Variants in PAK5 observed in about 807,000 individuals in gnomAD.
PAK5 encodes the protein p21 (RAC1) activated kinase 5.
PAK5 carries 16 observed loss-of-function variants against 65.9 expected under a neutral mutation model. The observed-to-expected ratio is 0.24, with a 90% CI of 0.16 to 0.37. The LOEUF (loss-of-function observed/expected upper bound fraction) is 0.37. Ranked by LOEUF, PAK5 falls within the 10% of genes least tolerant of loss-of-function variation. PAK5 has a pLI of 1.00. For missense variants in PAK5, 785 were observed against 903.9 expected (o/e 0.87, Z 1.69); for synonymous variants, 371 against 354.9 (o/e 1.05, Z -0.51).
chr20:9,754,189 C>T (rs1183558222), intron 1 of PAK5, among the ~76,000 whole-genome samples: 2 of 152,118 alleles, frequency 1.3e-5, no homozygotes, highest in Non-Finnish European at 2.9e-5. Flanking sequence ...CCAGTGAGTT[C>T]ATTTTGCCCA....
chr20:9,710,812 C>T (rs540794873), intron 2 of PAK5, among the ~76,000 whole-genome samples: 2 of 152,324 alleles, frequency 1.3e-5, no homozygotes, highest in South Asian at 2.1e-4. Context: ...CATCCTGCTT[C>T]TCCAAAGCCC....
rs1428033352 is a variant in PAK5, at chr20:9,766,518, G to A, written c.-161-55083C>T. On this transcript the variant is annotated intron_variant, in intron 1 of 9. Transcript: ENST00000353224. ...AGAATATATATATATATATATTCAAGCAGAATATATATATATATATATATA... is the reference window on the plus strand; with the variant it reads ...AGAATATATATATATATATATTCAAACAGAATATATATATATATATATATA... Among the ~76,000 whole-genome samples the A allele has an allele frequency of 9.3e-4, 28 of 30,242 alleles. 4 individuals carry two copies. Among genetic ancestry groups the A allele is most frequent in the African/African-American group, 9.2e-3 (28 of 3,042 alleles). The allele number at this position is 30,242 out of a possible 152,430, so 19.8% of individuals were successfully genotyped here.
chr20:9,620,376 A>C (rs1451518320), intron 3 of PAK5, among the ~76,000 whole-genome samples: 2 of 152,252 alleles, frequency 1.3e-5, no homozygotes, highest in African/African-American at 4.8e-5. Flanking sequence ...TGCGGAAAGC[A>C]GGAGGAGGAT....
chr20:9,685,575 C>T (rs1399975070), intron 2 of PAK5, among the ~76,000 whole-genome samples: 4 of 152,170 alleles, frequency 2.6e-5, no homozygotes, highest in Non-Finnish European at 5.9e-5. Context: ...ACCAACCTTG[C>T]TGACACCTTG....
intron 1 of PAK5, among the ~76,000 whole-genome samples, chr20:9,819,163 A>G (rs2049391455): frequency 6.6e-6 from 1 of 152,226 alleles, no homozygotes; most frequent in Non-Finnish European, 1.5e-5. Flanking sequence ...TTCCCTGAGA[A>G]ATGTTTAGGA....
intron 1 of PAK5, among the ~76,000 whole-genome samples, chr20:9,815,776 C>A (rs2049350078): frequency 6.6e-6 from 1 of 152,198 alleles, no homozygotes; most frequent in South Asian, 2.1e-4. Flanking sequence ...TCCCACCAAC[C>A]TACTCAGGGG....
At chr20:9,643,992 T>C (rs2123275134) in intron 3 of PAK5, 133 bp downstream of exon 3, 2 of 678,614 alleles carry the variant, frequency 2.9e-6, no homozygotes, top group Non-Finnish European at 5.1e-6. Context: ...CATGAAAGAA[T>C]AATTGTGAAT....
chr20:9,543,013 T>C (rs2045291398), intron 8 of PAK5, among the ~76,000 whole-genome samples: 1 of 152,198 alleles, frequency 6.6e-6, no homozygotes, highest in South Asian at 2.1e-4. Flanking sequence ...GTTAACTGTC[T>C]ATCAGGGCAG....
chr20:9,580,581 A>G lies in PAK5; in HGVS notation c.554T>C (p.Val185Ala). 1.2e-6 allele frequency: 2 copies of G among 1,614,088 alleles called. No individual in the cohort carries two copies. Among genetic ancestry groups the G allele is most frequent in the Non-Finnish European group, 1.7e-6 (2 of 1,180,000 alleles). ...MKHGEAYYSE[V>A]KPLKSDFARF... is the part of the protein sequence containing the mutation. ...GGCAAAATCGGATTTCAAAGGCTTC[A>G]CCTCAGAATAGTAGGCCTCCCCGTG... Residue 185 changes from valine (V) to alanine (A), a missense_variant, in exon 4 of 10, where the codon GTG becomes GCG. This residue lies in a region of PAK5 where 422 missense variants were observed against 413.3 expected (regional missense o/e 1.02). Coordinates refer to ENST00000353224, the MANE Select transcript of PAK5 (RefSeq NM_177990.4).
At chr20:9,592,225 A>C (rs907071495) in intron 3 of PAK5, among the ~76,000 whole-genome samples, 3 of 152,198 alleles carry the variant, frequency 2.0e-5, no homozygotes, top group Non-Finnish European at 4.4e-5. Context: ...AGGGTTGAAA[A>C]ATTACCTGTT....
chr20:9,733,263 G>A (rs1468676296), intron 1 of PAK5, among the ~76,000 whole-genome samples: 2 of 152,166 alleles, frequency 1.3e-5, no homozygotes, highest in Admixed American at 6.5e-5. Context: ...ATGTTGAGAT[G>A]AGATAATACA....
chr20:9,666,684 C>T (rs1395036297), intron 2 of PAK5, among the ~76,000 whole-genome samples: 1 of 151,998 alleles, frequency 6.6e-6, no homozygotes, highest in Admixed American at 6.6e-5. Flanking sequence ...AAATGCAAAA[C>T]AAAACAAAAC....
At chr20:9,815,172 G>A (rs1441202031) in intron 1 of PAK5, among the ~76,000 whole-genome samples, 1 of 152,164 alleles carries the variant, frequency 6.6e-6, no homozygotes, top group Non-Finnish European at 1.5e-5. Context: ...TGAAGGATCC[G>A]CCCCCATGAT....
chr20:9,776,723 A>G (rs1404966101), intron 1 of PAK5, among the ~76,000 whole-genome samples: 2 of 152,248 alleles, frequency 1.3e-5, no homozygotes, highest in Admixed American at 1.3e-4. Flanking sequence ...GAATGAGCCT[A>G]AAAGCAGACC....
chr20:9,642,613 A>G (rs2047083723), intron 3 of PAK5, among the ~76,000 whole-genome samples: 1 of 152,226 alleles, frequency 6.6e-6, no homozygotes, highest in African/African-American at 2.4e-5. Context: ...TTTTAAAGAT[A>G]TGGTCCACCT....
chr20:9,690,695 G>A (rs2123430949), intron 2 of PAK5, among the ~76,000 whole-genome samples: 1 of 150,706 alleles, frequency 6.6e-6, no homozygotes, highest in Middle Eastern at 3.5e-3. Context: ...GGTTTGAGAG[G>A]TTTGAGAGAG....
At chr20:9,584,989 G>A (rs891920392) in intron 3 of PAK5, among the ~76,000 whole-genome samples, 1 of 151,924 alleles carries the variant, frequency 6.6e-6, no homozygotes, top group African/African-American at 2.4e-5. Context: ...GTCTTAAAGG[G>A]CCCTTCTGAA....
At chr20:9,544,732 T>A (rs1183910331) in intron 7 of PAK5, among the ~76,000 whole-genome samples, 2 of 152,160 alleles carry the variant, frequency 1.3e-5, no homozygotes, top group Non-Finnish European at 2.9e-5. Flanking sequence ...CTGCTGCTTA[T>A]ATTACTTCTA....
chr20:9,565,772 T>G, intron 5 of PAK5, 121 bp downstream of exon 5: 1 of 995,472 alleles, frequency 1.0e-6, no homozygotes, highest in Non-Finnish European at 1.5e-6. Context: ...CAGGGGACGC[T>G]ATTTTTGTCT....
Sources: gnomAD v4.1 joint callset for allele counts (sites outside exome capture counted in the v4.1 genomes callset) on GRCh38, gnomAD v4.1.1 for gene constraint, gnomAD v4.1.1 regional missense constraint, MANE v1.5 for transcripts, NCBI Gene and HGNC (gene_info 2026-07-23, HGNC 2026-07-21) for gene names.